Variants in UBR4 observed in about 807,000 individuals in gnomAD.
UBR4 encodes the protein E3 ubiquitin-protein ligase UBR4.
In UBR4, 124 loss-of-function variants were observed where a neutral mutation model predicts 575.6. That is an observed-to-expected ratio of 0.22 (90% CI 0.19 to 0.25). UBR4 has a LOEUF of 0.25. Among genes scored for constraint, UBR4 ranks in the 10% least tolerant of loss-of-function variants. The pLI, the probability that UBR4 is intolerant of heterozygous loss-of-function variation, is 1.00. For missense variants in UBR4, 4,818 were observed against 6,478.8 expected, an observed-to-expected ratio of 0.74 and a Z score of 8.80; for synonymous variants, 2,455 against 2,473.7, an observed-to-expected ratio of 0.99 and a Z score of 0.22.
At chr1:19,168,308 A>G (rs1571370633) in intron 27 of UBR4, 124 bp from the exon 28 acceptor site, 1 of 872,032 alleles carries the variant, frequency 1.1e-6, no homozygotes, top group East Asian at 2.9e-5. Flanking sequence ...GCCTCTACTC[A>G]GTATACACTG....
intron 60 of UBR4, among the ~76,000 whole-genome samples, chr1:19,136,218 C>T (rs866113511): frequency 6.6e-6 from 1 of 151,950 alleles, no homozygotes; most frequent in East Asian, 1.9e-4. Context: ...AAAAATAATC[C>T]TGGATGGGAG....
intron 21 of UBR4, 132 bp downstream of exon 21, chr1:19,174,822 T>C (rs1341559012): frequency 2.4e-6 from 2 of 836,248 alleles, no homozygotes; most frequent in Non-Finnish European, 3.7e-6. Context: ...CCTATTAGAA[T>C]AAGCTCAAAT....
intron 105 of UBR4, 24 bp from the exon 106 acceptor site, chr1:19,074,920 T>C: frequency 6.2e-7 from 1 of 1,612,880 alleles, no homozygotes; most frequent in Non-Finnish European, 8.5e-7. Flanking sequence ...CGGGCAGAGG[T>C]GTGTCAGGAG....
chr1:19,088,046 T>C lies in UBR4; in HGVS notation c.14431-117A>G. ...TACCTCCACTAAAAGGACAGGTGCATGAGAGGAAAGCCCTTGAGCTGTCTT... is the reference window on the plus strand; with the variant it reads ...TACCTCCACTAAAAGGACAGGTGCACGAGAGGAAAGCCCTTGAGCTGTCTT... On this transcript the variant is annotated intron_variant, in intron 98 of 105. Coordinates refer to ENST00000375254, the MANE Select transcript of UBR4 (RefSeq NM_020765.3). The surrounding 1 kb of genome is among the most constrained non-coding windows in gnomAD (Gnocchi z 4.0). 1.3e-6 allele frequency: 1 copy of C among 744,518 alleles called. No homozygotes were observed. The highest frequency in any genetic ancestry group is 2.3e-6 in the Non-Finnish European group (1 of 433,264). 46.1% of individuals were successfully genotyped at this position (744,518 alleles called of 1,614,324 possible). A position where few individuals can be genotyped will look rare whatever the true frequency, so the allele number is the denominator to read the frequency against.
intron 18 of UBR4, among the ~76,000 whole-genome samples, chr1:19,178,211 A>G (rs369999679): frequency 1.3e-5 from 2 of 152,260 alleles, no homozygotes; most frequent in South Asian, 2.1e-4. Flanking sequence ...TCACTGCATG[A>G]TAATAGTCAA....
chr1:19,179,007 A>C lies in UBR4; in HGVS notation c.2354+44T>G, dbSNP rs771583082. ...TACAAAGAAGTCAAACAAATAAAAAAGGAAATAACTTTCTCTATAGGCCTT... is the reference window on the plus strand; with the variant it reads ...TACAAAGAAGTCAAACAAATAAAAACGGAAATAACTTTCTCTATAGGCCTT... On this transcript the variant is annotated intron_variant, in intron 18 of 105. Coordinates refer to ENST00000375254, the MANE Select transcript of UBR4 (RefSeq NM_020765.3). 30 of 1,589,102 alleles carry C rather than the reference A, an allele frequency of 1.9e-5. No homozygotes were observed. The South Asian group carries it at 3.0e-4, about 16-fold the overall frequency.
In UBR4 at chr1:19,138,160, T is replaced by C; in HGVS notation, c.8753A>G (p.Tyr2918Cys). ...EHSVSGRSSAYGDATAEGHPA... is the reference protein window; with the variant it reads ...EHSVSGRSSACGDATAEGHPA... ...ATGCCCCTCAGCTGTAGCATCGCCA[T>C]AAGCACTGCTCCGGCCAGATACTAG... is the stretch of plus-strand genomic sequence containing the variant. Residue 2918 changes from tyrosine (Y) to cysteine (C), a missense_variant, in exon 60 of 106, where the codon TAT becomes TGT. Tyr to Cys is a radical substitution (Grantham distance 194). This residue lies in a region of UBR4 where 57 missense variants were observed against 101.5 expected (regional missense o/e 0.56). Transcript: ENST00000375254. The C allele has an allele frequency of 6.4e-7, 1 of 1,564,910 alleles. No individual in the cohort carries two copies. Among genetic ancestry groups the C allele is most frequent in the East Asian group, 2.3e-5 (1 of 42,752 alleles).
At chr1:19,165,587 CATAT>C in intron 30 of UBR4, 65 bp downstream of exon 30, 1 of 1,486,970 alleles carries the variant, frequency 6.7e-7, no homozygotes, top group Admixed American at 1.9e-5. Flanking sequence ...CCTAAATCAA[CATAT>C]ATAGCTCCTT....
In UBR4 at chr1:19,110,171, T is replaced by C. The variant is rs2149274272; in HGVS notation, c.12030A>G (p.Glu4010=). ...AVNIKTPVVV[E]NITLMCLRIL... ...TCCTCAGGCACATGAGGGTAATGTT[T>C]TCAACCACCACAGGAGTCTTAATGT... Residue 4010 remains glutamate, a synonymous_variant, in exon 81 of 106, where the codon GAA becomes GAG. Coordinates refer to ENST00000375254, the MANE Select transcript of UBR4 (RefSeq NM_020765.3). This position sits in a 1 kb window ranked among gnomAD's most constrained non-coding sequence, Gnocchi z 4.5. The C allele has an allele frequency of 6.2e-7, 1 of 1,614,186 alleles. No homozygotes were observed. The highest frequency in any genetic ancestry group is 8.5e-7 in the Non-Finnish European group (1 of 1,180,044).
At position 19,088,738 on chromosome 1, in the gene UBR4, G is replaced by C; in HGVS notation, c.14430+21C>G. ...TCAACAGTGTGGGCAGAAATATGGG[G>C]ACTCTAGGTGGTAGCTTTACCGTCA... On this transcript the variant is annotated intron_variant, in intron 98 of 105. Transcript: ENST00000375254. The surrounding 1 kb of genome is among the most constrained non-coding windows in gnomAD (Gnocchi z 4.0). 1 of 1,611,356 alleles carries C rather than the reference G, an allele frequency of 6.2e-7. No homozygotes were observed. Among genetic ancestry groups the C allele is most frequent in the Non-Finnish European group, 8.5e-7 (1 of 1,179,098 alleles).
In UBR4 at chr1:19,155,587, G is replaced by A. The variant is rs779420363; in HGVS notation, c.6154C>T (p.Leu2052Phe). 1.4e-5 allele frequency: 22 copies of A among 1,614,010 alleles called. No homozygotes were observed. In the Middle Eastern group the frequency reaches 6.6e-4, roughly 48 times the overall value. The change falls in exon 43 of 106, where the codon CTT (leucine) becomes TTT (phenylalanine). Residue 2052 changes from leucine to phenylalanine, a missense_variant. By Grantham distance (22) the Leu-to-Phe change is conservative. Coordinates refer to ENST00000375254, the MANE Select transcript of UBR4 (RefSeq NM_020765.3). ...PSSKIRDVTFLFNEEGKNIIV... is the reference protein window; with the variant it reads ...PSSKIRDVTFFFNEEGKNIIV... ...ATGTTCTTTCCCTCCTCATTGAAAA[G>A]GAAGGTAACATCTCTTATCTTTGAG...
chr1:19,184,998 C>A, intron 15 of UBR4, 101 bp downstream of exon 15: 1 of 1,420,510 alleles, frequency 7.0e-7, no homozygotes, highest in Non-Finnish European at 9.8e-7. Context: ...TTAAACATTA[C>A]AGTTATCCAA....
chr1:19,126,457 G>A lies in UBR4; in HGVS notation c.9427C>T (p.Gln3143Ter). 6.2e-7 allele frequency: 1 copy of A among 1,614,170 alleles called. No individual in the cohort carries two copies. The highest frequency in any genetic ancestry group is 8.5e-7 in the Non-Finnish European group (1 of 1,180,002). Residue 3143 changes from glutamine (Q) to a stop codon, truncating the protein, a stop_gained, in exon 64 of 106, where the codon CAG becomes TAG. Coordinates refer to ENST00000375254, the MANE Select transcript of UBR4 (RefSeq NM_020765.3). LOFTEE classifies it high-confidence loss of function. ...PPDMSPFFLR[Q>*]YVKGHAADVF... ...GGGAAAGATCTCACCTTCACATACT[G>A]GCGGAGAAAGAATGGGCTCATGTCA...
intron 34 of UBR4, 108 bp from the exon 35 acceptor site, chr1:19,162,719 G>A (rs2150577934): frequency 1.5e-6 from 2 of 1,301,580 alleles, no homozygotes; most frequent in African/African-American, 1.5e-5. Context: ...AATGGTATGA[G>A]AGCAGAGAAG....
At position 19,097,203 on chromosome 1, in the gene UBR4, G is replaced by A. The variant is rs2078153678; in HGVS notation, c.13380C>T (p.Asp4460=). The A allele has an allele frequency of 1.2e-6, 2 of 1,613,314 alleles. No individual in the cohort carries two copies. The highest frequency in any genetic ancestry group is 1.7e-5 in the Admixed American group (1 of 59,866). The part of the protein sequence containing the change: ...DATEEFIESL[D]STTDEEEDEE... The stretch of plus-strand genomic sequence containing the variant: ...AGTGCCATGATCTACCTGTAGTAGA[G>A]TCCAGGGACTCAATGAACTCCTCTG... Residue 4460 remains aspartate, a synonymous_variant, in exon 91 of 106, where the codon GAC becomes GAT. Coordinates refer to ENST00000375254, the MANE Select transcript of UBR4 (RefSeq NM_020765.3).
chr1:19,205,188 A>T (rs1398813040), intron 1 of UBR4, among the ~76,000 whole-genome samples: 1 of 152,234 alleles, frequency 6.6e-6, no homozygotes, highest in Admixed American at 6.5e-5. Context: ...AATAAATGTG[A>T]TGCAGAGTAC....
At chr1:19,129,657 G>A (rs183706567) in intron 60 of UBR4, among the ~76,000 whole-genome samples, 65 of 152,226 alleles carry the variant, frequency 4.3e-4, no homozygotes, top group African/African-American at 7.2e-4. Flanking sequence ...GAGTTTTCCC[G>A]TATAATCAAC....
Position 19,117,945 on chromosome 1 carries a change from T to G in UBR4, c.10542-35A>C. ...AAACCAGTCTTAGCATGAACACATT[T>G]TCATCTTAGGAAGCACTGAGTTTCA... On this transcript the variant is annotated intron_variant, in intron 71 of 105. Transcript: ENST00000375254. This position sits in a 1 kb window ranked among gnomAD's most constrained non-coding sequence, Gnocchi z 4.0. 1 of 1,596,228 alleles carries G rather than the reference T, an allele frequency of 6.3e-7. No homozygotes were observed. The highest frequency in any genetic ancestry group is 8.6e-7 in the Non-Finnish European group (1 of 1,163,994).
Position 19,110,040 on chromosome 1 carries a change from A to T in UBR4, c.12105+56T>A, listed in dbSNP as rs969576338. 2.5e-6 allele frequency: 4 copies of T among 1,609,180 alleles called. No homozygotes were observed. The highest frequency in any genetic ancestry group is 2.5e-6 in the Non-Finnish European group (3 of 1,177,964). ...GAGGAGGCAGGGCACACTGCCAGGG[A>T]ATGAGGAGGGTGGCCGCCCTGCCCT... On this transcript the variant is annotated intron_variant, in intron 81 of 105. Coordinates refer to ENST00000375254, the MANE Select transcript of UBR4 (RefSeq NM_020765.3). The surrounding 1 kb of genome is among the most constrained non-coding windows in gnomAD (Gnocchi z 4.5).
Sources: gnomAD v4.1 joint callset for allele counts (sites outside exome capture counted in the v4.1 genomes callset) on GRCh38, gnomAD v4.1.1 for gene constraint, gnomAD v4.1.1 regional missense constraint, Gnocchi (gnomAD v3.1) non-coding constraint, MANE v1.5 for transcripts, NCBI Gene and HGNC (gene_info 2026-07-23, HGNC 2026-07-21) for gene names.